The following LRGUK variants were observed in gnomAD, a reference collection of about 807,000 sequenced individuals.
LRGUK encodes the protein leucine-rich repeat and guanylate kinase domain-containing protein.
In LRGUK, 65 loss-of-function variants were observed where a neutral mutation model predicts 76.0. The observed-to-expected ratio is 0.85, with a 90% CI of 0.70 to 1.05. LRGUK has a LOEUF of 1.05. Ranked by LOEUF, LRGUK falls within the 50% of genes least tolerant of loss-of-function variation. The pLI is 0.00. For synonymous variants in LRGUK, 268 were observed against 265.6 expected (o/e 1.01, Z -0.09); for missense variants, 758 against 732.8 (o/e 1.03, Z -0.40).
At chr7:134,263,120 A>G (rs964019034) in intron 19 of LRGUK, among the ~76,000 whole-genome samples, 5 of 152,076 alleles carry the variant, frequency 3.3e-5, no homozygotes, top group African/African-American at 1.2e-4. Flanking sequence ...TGATTTGGCC[A>G]ATAGATCCAG....
chr7:134,265,861 A>C (rs1388881099), downstream of LRGUK, among the ~76,000 whole-genome samples: 2 of 152,176 alleles, frequency 1.3e-5, no homozygotes, highest in Non-Finnish European at 2.9e-5. Flanking sequence ...AGAGTATTAG[A>C]AAAGGTCTCA....
intron 4 of LRGUK, among the ~76,000 whole-genome samples, chr7:134,146,008 G>A (rs890102817): frequency 6.6e-6 from 1 of 152,048 alleles, no homozygotes; most frequent in Non-Finnish European, 1.5e-5. Flanking sequence ...CACAGTGGCT[G>A]AGGCCTGTAA....
At chr7:134,254,146 T>C (rs1802514850) in intron 18 of LRGUK, among the ~76,000 whole-genome samples, 1 of 152,208 alleles carries the variant, frequency 6.6e-6, no homozygotes, top group African/African-American at 2.4e-5. Flanking sequence ...AATATGCCAC[T>C]TTTTGCTTGT....
At chr7:134,143,454 T>C (rs1797851346) in intron 4 of LRGUK, among the ~76,000 whole-genome samples, 1 of 152,150 alleles carries the variant, frequency 6.6e-6, no homozygotes, top group African/African-American at 2.4e-5. Context: ...ATTATTGCCC[T>C]TTTTTTGTTG....
chr7:134,272,843 T>G, the LRGUK span, among the ~76,000 whole-genome samples: 1 of 152,330 alleles, frequency 6.6e-6, no homozygotes, highest in Admixed American at 6.5e-5. Context: ...TAATTTTAAG[T>G]GCAATCCAAA....
At chr7:134,260,844 C>T (rs1382623556) in intron 19 of LRGUK, among the ~76,000 whole-genome samples, 1 of 152,154 alleles carries the variant, frequency 6.6e-6, no homozygotes, top group Non-Finnish European at 1.5e-5. Context: ...AGAGACCAAT[C>T]AGGCAGCTGC....
chr7:134,208,309 C>G (rs1177852350), intron 15 of LRGUK, among the ~76,000 whole-genome samples: 1 of 152,190 alleles, frequency 6.6e-6, no homozygotes, highest in East Asian at 1.9e-4. Context: ...TTTCATCTGG[C>G]TTGGATGTCC....
chr7:134,171,014 C>T (rs754244196), intron 7 of LRGUK, among the ~76,000 whole-genome samples: 5 of 152,034 alleles, frequency 3.3e-5, no homozygotes, highest in Non-Finnish European at 5.9e-5. Flanking sequence ...TCTTATTTCT[C>T]TTAAGATTCT....
At chr7:134,190,493 C>G (rs1010480524) in intron 11 of LRGUK, among the ~76,000 whole-genome samples, 4 of 152,230 alleles carry the variant, frequency 2.6e-5, no homozygotes, top group African/African-American at 9.6e-5. Flanking sequence ...CAGGAATAAG[C>G]TACTGTGCCT....
intron 5 of LRGUK, among the ~76,000 whole-genome samples, chr7:134,154,366 T>A (rs1170869529): frequency 6.6e-6 from 1 of 152,096 alleles, no homozygotes; most frequent in Non-Finnish European, 1.5e-5. Context: ...TTTGTGAAGG[T>A]CCTTAAGAGA....
At chr7:134,161,857 A>C in intron 6 of LRGUK, among the ~76,000 whole-genome samples, 1 of 146,284 alleles carries the variant, frequency 6.8e-6, no homozygotes, top group East Asian at 2.3e-4. Flanking sequence ...CGCCTGGCTA[A>C]TTTTTTGTAT....
At chr7:134,178,213 T>A (rs1563164072) in intron 9 of LRGUK, among the ~76,000 whole-genome samples, 1 of 152,126 alleles carries the variant, frequency 6.6e-6, no homozygotes, top group Admixed American at 6.5e-5. Context: ...TTTGGTGGTT[T>A]TTTTGTGTGT....
intron 16 of LRGUK, among the ~76,000 whole-genome samples, chr7:134,233,114 G>T (rs1163577068): frequency 1.3e-5 from 2 of 152,176 alleles, no homozygotes; most frequent in Non-Finnish European, 2.9e-5. Flanking sequence ...GGTTACAGAT[G>T]TCTAAGTGTC....
chr7:134,155,574 TTAATCCCA>T (rs1344692593), intron 5 of LRGUK, among the ~76,000 whole-genome samples: 11 of 152,238 alleles, frequency 7.2e-5, no homozygotes, highest in Non-Finnish European at 1.0e-4. Context: ...ATTTTCAGGC[TTAATCCCA>T]GCCTTGAATT....
chr7:134,262,925 C>T (rs1425742535), intron 19 of LRGUK, among the ~76,000 whole-genome samples: 1 of 135,364 alleles, frequency 7.4e-6, no homozygotes, highest in African/African-American at 2.9e-5. Flanking sequence ...GAGCTGAGAT[C>T]ACACCACTGC....
intron 16 of LRGUK, among the ~76,000 whole-genome samples, chr7:134,227,989 C>T (rs1300092627): frequency 1.3e-5 from 2 of 151,958 alleles, no homozygotes; most frequent in Non-Finnish European, 2.9e-5. Context: ...CTTTATGGTC[C>T]TGATAAAAGT....
intron 15 of LRGUK, among the ~76,000 whole-genome samples, chr7:134,204,361 G>T (rs187912298): frequency 1.2e-3 from 181 of 152,272 alleles, no homozygotes; most frequent in Non-Finnish European, 1.9e-3. Context: ...ATGAGGTTAG[G>T]CTTGGCTGAT....
At chr7:134,192,139 G>A (rs1800281604) in intron 12 of LRGUK, among the ~76,000 whole-genome samples, 1 of 152,166 alleles carries the variant, frequency 6.6e-6, no homozygotes, top group South Asian at 2.1e-4. Context: ...AAGTATGTCT[G>A]GGGATTTGGG....
intron 16 of LRGUK, among the ~76,000 whole-genome samples, chr7:134,232,469 G>A (rs948095583): frequency 1.8e-4 from 27 of 152,026 alleles, no homozygotes; most frequent in African/African-American, 6.5e-4. Context: ...TAGTAAAGAT[G>A]GGGTTTCACC....
Sources: gnomAD v4.1 joint callset for allele counts (sites outside exome capture counted in the v4.1 genomes callset) on GRCh38, gnomAD v4.1.1 for gene constraint, MANE v1.5 for transcripts, NCBI Gene and HGNC (gene_info 2026-07-23, HGNC 2026-07-21) for gene names.